Variants in LARGE1 observed in about 807,000 individuals in gnomAD.
The protein encoded by LARGE1 is xylosyl- and glucuronyltransferase LARGE1.
LARGE1 carries 43 observed loss-of-function variants against 87.6 expected under a neutral mutation model. The ratio of observed to expected loss-of-function variants is 0.49; its 90% CI spans 0.38 to 0.63. LARGE1 has a LOEUF of 0.63. Among genes scored for constraint, LARGE1 ranks in the 30% least tolerant of loss-of-function variants. The probability of loss-of-function intolerance (pLI) is 0.00; values close to 1 mark genes in which losing one functional copy is unlikely to be tolerated. For missense variants in LARGE1, 802 were observed against 1,000.2 expected (o/e 0.80, Z 2.67); for synonymous variants, 434 against 394.6 (o/e 1.10, Z -1.18).
chr22:33,316,960 T>A lies in LARGE1; in HGVS notation c.1288-712A>T, dbSNP rs551170702. 4.6e-5 allele frequency among the ~76,000 whole-genome samples: 7 copies of A among 152,240 alleles called. No homozygotes were observed. The South Asian group carries it at 1.5e-3, about 32-fold the overall frequency. ...TGGGCACGGTGGCTCATGCCTGTAA[T>A]CCCGGCACTTTGGGAGGCCAAGGTG... On this transcript the variant is annotated intron_variant, in intron 10 of 14. Coordinates refer to ENST00000397394, the MANE Select transcript of LARGE1 (RefSeq NM_133642.5).
chr22:33,827,193 T>C (rs1213047628), intron 1 of LARGE1, among the ~76,000 whole-genome samples: 1 of 149,738 alleles, frequency 6.7e-6, no homozygotes, highest in African/African-American at 2.5e-5. Context: ...AAACCCCGTC[T>C]CTATTAAAAA....
In LARGE1 at chr22:33,610,831, A is replaced by C. The variant is rs528989951; in HGVS notation, c.492-6273T>G. ...TGGTTTCCTGGGCCAGGGCCAGGACACCATTGCCCTGCACCACCCCAAAAG... is the reference window on the plus strand; with the variant it reads ...TGGTTTCCTGGGCCAGGGCCAGGACCCCATTGCCCTGCACCACCCCAAAAG... On this transcript the variant is annotated intron_variant, in intron 4 of 14. Transcript: ENST00000397394. Among the ~76,000 whole-genome samples the C allele has an allele frequency of 3.9e-5, 6 of 152,182 alleles. No individual in the cohort carries two copies. In the East Asian group the frequency reaches 1.2e-3, roughly 30 times the overall value.
intron 1 of LARGE1, among the ~76,000 whole-genome samples, chr22:33,797,202 G>C (rs1387535865): frequency 6.6e-6 from 1 of 152,084 alleles, no homozygotes; most frequent in Non-Finnish European, 1.5e-5. Context: ...GCAAGCAGAG[G>C]AAAAAGACAA....
At chr22:33,876,336 G>A (rs532139897) in intron 1 of LARGE1, among the ~76,000 whole-genome samples, 5 of 152,148 alleles carry the variant, frequency 3.3e-5, no homozygotes, top group African/African-American at 1.2e-4. Context: ...CAAATCAGGA[G>A]AGCAGATACC....
chr22:33,676,358 T>C (rs1033375843), intron 2 of LARGE1, among the ~76,000 whole-genome samples: 3 of 94,760 alleles, frequency 3.2e-5, no homozygotes, highest in African/African-American at 1.1e-4. Context: ...CATCATATGT[T>C]ACAGATTCAA....
the LARGE1 span, among the ~76,000 whole-genome samples, chr22:33,093,863 CG>C: frequency 7.4e-6 from 1 of 135,948 alleles, no homozygotes; most frequent in African/African-American, 2.8e-5. Flanking sequence ...GTTTTGCTCC[CG>C]TCTCCCAGGC....
chr22:33,751,687 T>C (rs1400473042), intron 2 of LARGE1, among the ~76,000 whole-genome samples: 1 of 152,160 alleles, frequency 6.6e-6, no homozygotes, highest in Admixed American at 6.5e-5. Context: ...TGTATTATTT[T>C]GTGTATGTCT....
chr22:33,490,710 A>G (rs1306174457), intron 6 of LARGE1, among the ~76,000 whole-genome samples: 2 of 152,188 alleles, frequency 1.3e-5, no homozygotes, highest in East Asian at 1.9e-4. Context: ...CATTGCCCCA[A>G]GTTAGAGGTA....
At chr22:33,077,764 C>G in the LARGE1 span, among the ~76,000 whole-genome samples, 1 of 152,192 alleles carries the variant, frequency 6.6e-6, no homozygotes, top group African/African-American at 2.4e-5. Context: ...TTACTGTCTT[C>G]ACCTCTAATT....
At chr22:33,873,817 T>C (rs1271270264) in intron 1 of LARGE1, among the ~76,000 whole-genome samples, 1 of 152,038 alleles carries the variant, frequency 6.6e-6, no homozygotes, top group African/African-American at 2.4e-5. Flanking sequence ...GGTCCTGCCC[T>C]GCCCTCCTCA....
At chr22:33,406,503 G>A (rs2066105070) in intron 7 of LARGE1, among the ~76,000 whole-genome samples, 2 of 151,820 alleles carry the variant, frequency 1.3e-5, no homozygotes, top group South Asian at 4.2e-4. Context: ...TCCATGTTTT[G>A]ACTTGAACGC....
intron 9 of LARGE1, among the ~76,000 whole-genome samples, chr22:33,366,333 C>T (rs1484087115): frequency 2.0e-5 from 3 of 152,256 alleles, no homozygotes; most frequent in Admixed American, 2.0e-4. Context: ...TGAGCAAATG[C>T]TCAGCAATAG....
At chr22:33,535,073 A>G (rs531900950) in intron 6 of LARGE1, among the ~76,000 whole-genome samples, 94 of 152,342 alleles carry the variant, frequency 6.2e-4, no homozygotes, top group Admixed American at 1.3e-3. Context: ...GGAGGACAGA[A>G]AACTGGCCTC....
the LARGE1 span, among the ~76,000 whole-genome samples, chr22:33,121,418 C>G: frequency 1.4e-4 from 21 of 152,348 alleles, no homozygotes; most frequent in East Asian, 1.7e-3. Flanking sequence ...TTGTGAGGTT[C>G]TGTCCCAATT....
At chr22:33,161,316 T>C (rs1292914775), downstream of LARGE1, among the ~76,000 whole-genome samples, 1 of 152,062 alleles carries the variant, frequency 6.6e-6, no homozygotes, top group African/African-American at 2.4e-5. Flanking sequence ...AGCCAAGCCA[T>C]ATCATTCTGC....
intron 1 of LARGE1, among the ~76,000 whole-genome samples, chr22:33,796,826 G>C (rs2086001858): frequency 6.8e-6 from 1 of 147,424 alleles, no homozygotes; most frequent in Non-Finnish European, 1.5e-5. Context: ...TCCTAGGCTG[G>C]AGATCTCAGC....
intron 11 of LARGE1, among the ~76,000 whole-genome samples, chr22:33,226,243 G>A (rs1925725232): frequency 6.6e-6 from 1 of 152,176 alleles, no homozygotes. Context: ...ATTCACCATG[G>A]TTGCCTTGAA....
chr22:33,132,844 T>G, the LARGE1 span, among the ~76,000 whole-genome samples: 2 of 152,218 alleles, frequency 1.3e-5, no homozygotes, highest in African/African-American at 4.8e-5. Context: ...TTATCGTGCA[T>G]GTAACATACA....
chr22:33,099,977 G>T, the LARGE1 span, among the ~76,000 whole-genome samples: 1 of 152,224 alleles, frequency 6.6e-6, no homozygotes, highest in South Asian at 2.1e-4. Context: ...TAAACACAGG[G>T]GAACAATAAA....
Sources: gnomAD v4.1 joint callset for allele counts (sites outside exome capture counted in the v4.1 genomes callset) on GRCh38, gnomAD v4.1.1 for gene constraint, MANE v1.5 for transcripts, NCBI Gene and HGNC (gene_info 2026-07-23, HGNC 2026-07-21) for gene names.